The following KLRG1 variants were observed in gnomAD, a reference collection of about 807,000 sequenced individuals.
KLRG1 encodes the protein killer cell lectin-like receptor subfamily G member 1.
A neutral mutation model predicts 21.8 loss-of-function variants in KLRG1; 16 were observed. That is an observed-to-expected ratio of 0.73 (90% CI 0.50 to 1.11). The LOEUF (loss-of-function observed/expected upper bound fraction) is 1.11. Ranked by LOEUF, KLRG1 falls within the 50% of genes most tolerant of loss-of-function variation. The probability of loss-of-function intolerance (pLI) is 0.00; values close to 1 mark genes in which losing one functional copy is unlikely to be tolerated. For missense variants in KLRG1, 173 were observed against 218.3 expected (o/e 0.79, Z 1.31); for synonymous variants, 69 against 75.9 (o/e 0.91, Z 0.47).
At chr12:8,967,909 C>A (rs899744236) in intron 1 of KLRG1, among the ~76,000 whole-genome samples, 1 of 148,876 alleles carries the variant, frequency 6.7e-6, no homozygotes, top group Non-Finnish European at 1.5e-5. Flanking sequence ...AATGGAGAAC[C>A]TAGAGCAATC....
chr12:8,960,762 T>C (rs760401458), intron 1 of KLRG1, among the ~76,000 whole-genome samples: 1 of 152,302 alleles, frequency 6.6e-6, no homozygotes, highest in African/African-American at 2.4e-5. Context: ...TTGTCCAGTA[T>C]AATAAAGGTC....
intron 1 of KLRG1, among the ~76,000 whole-genome samples, chr12:8,991,287 C>T (rs922526918): frequency 4.6e-5 from 6 of 131,458 alleles, no homozygotes; most frequent in South Asian, 2.6e-4. Context: ...ATTTAGATTT[C>T]GGTTGTATGC....
chr12:9,151,708 G>A, the KLRG1 span: 1 of 1,536,382 alleles, frequency 6.5e-7, no homozygotes, highest in Admixed American at 1.7e-5. Flanking sequence ...TAAAGTTAGA[G>A]AACAGATGTG....
intron 3 of KLRG1, among the ~76,000 whole-genome samples, chr12:8,998,871 A>G (rs1805719): frequency 0.29 from 44,616 of 151,956 alleles, 7,499 homozygotes; most frequent in East Asian, 0.4. Flanking sequence ...CAGAATGTAC[A>G]TTGTATGACC....
the KLRG1 span, chr12:9,196,587 G>A: frequency 6.2e-6 from 10 of 1,608,920 alleles, no homozygotes; most frequent in Non-Finnish European, 8.5e-6. Flanking sequence ...CCTCTTCTCT[G>A]ATCCTGGCTT....
chr12:9,068,281 A>G, the KLRG1 span: 1 of 1,566,626 alleles, frequency 6.4e-7, no homozygotes, highest in East Asian at 2.2e-5. Flanking sequence ...TGAGAAAGAA[A>G]GCAAACATCT....
the KLRG1 span, chr12:9,112,180 G>A: frequency 6.2e-7 from 1 of 1,613,694 alleles, no homozygotes; most frequent in African/African-American, 1.3e-5. Context: ...GGGGGTGAAA[G>A]TTTTCATCCA....
the KLRG1 span, chr12:9,079,331 C>A: frequency 6.2e-7 from 1 of 1,613,244 alleles, no homozygotes; most frequent in South Asian, 1.1e-5. Flanking sequence ...TCTCTGGTAA[C>A]CTGGAAAGGA....
the KLRG1 span, among the ~76,000 whole-genome samples, chr12:9,152,066 G>A: frequency 3.3e-5 from 5 of 152,036 alleles, no homozygotes; most frequent in Non-Finnish European, 5.9e-5. Context: ...CTTAGCTTAC[G>A]GCCAACTAAA....
At chr12:9,128,254 G>T in the KLRG1 span, 1 of 166,318 alleles carries the variant, frequency 6.0e-6, no homozygotes, top group South Asian at 1.5e-4. Flanking sequence ...GCCAGTATGC[G>T]GTCATAACTG....
chr12:9,199,727 G>A, the KLRG1 span, among the ~76,000 whole-genome samples: 1 of 152,118 alleles, frequency 6.6e-6, no homozygotes, highest in East Asian at 1.9e-4. Context: ...TAAAATATTA[G>A]AGCAAAAAAA....
At chr12:9,134,203 C>T in the KLRG1 span, among the ~76,000 whole-genome samples, 1 of 152,134 alleles carries the variant, frequency 6.6e-6, no homozygotes, top group African/African-American at 2.4e-5. Flanking sequence ...CTACAGAACC[C>T]ATGGTGTTGT....
At chr12:9,069,446 T>G in the KLRG1 span, among the ~76,000 whole-genome samples, 4 of 152,232 alleles carry the variant, frequency 2.6e-5, no homozygotes, top group Non-Finnish European at 5.9e-5. Context: ...CAAGGGCTAC[T>G]TCCTTATATT....
chr12:9,153,325 GGA>G, the KLRG1 span: 9 of 1,613,368 alleles, frequency 5.6e-6, no homozygotes, highest in African/African-American at 1.3e-5. Flanking sequence ...GACAGGGCAT[GGA>G]GAGCCACCAC....
At chr12:8,954,851 T>C (rs1406938298) in intron 1 of KLRG1, among the ~76,000 whole-genome samples, 2 of 152,226 alleles carry the variant, frequency 1.3e-5, no homozygotes, top group Non-Finnish European at 2.9e-5. Flanking sequence ...AAGAGTTCCA[T>C]ATTTGTTTAA....
the KLRG1 span, among the ~76,000 whole-genome samples, chr12:9,137,307 C>G: frequency 6.6e-6 from 1 of 152,076 alleles, no homozygotes; most frequent in Non-Finnish European, 1.5e-5. Flanking sequence ...CTAGTGTATT[C>G]TTGGTACCCT....
the KLRG1 span, among the ~76,000 whole-genome samples, chr12:9,050,935 G>T: frequency 6.6e-6 from 1 of 152,190 alleles, no homozygotes; most frequent in African/African-American, 2.4e-5. Context: ...GAGGACTTGG[G>T]AGCCATGAAT....
chr12:9,135,471 A>C, the KLRG1 span: 271 of 370,486 alleles, frequency 7.3e-4, 1 homozygote, highest in African/African-American at 5.6e-3. Context: ...CCCCACCAGC[A>C]GGGGGTAGCA....
At position 8,992,275 on chromosome 12, in the gene KLRG1, T is replaced by G; in HGVS notation, c.152T>G (p.Leu51Arg). ...TTGGGGCTTCTGACTGCAGTTCTTC[T>G]GAGTGTGCTGCTATACCAGTGGATC... ...IALGLLTAVL[L>R]SVLLYQWILC... Residue 51 changes from leucine (L) to arginine (R), a missense_variant, in exon 2 of 5, where the codon CTG (leucine) becomes CGG (arginine). Around this residue, in one of 3 missense-constraint regions of KLRG1, gnomAD observed 144 missense variants for 161.5 expected, o/e 0.89. Coordinates refer to ENST00000356986, the MANE Select transcript of KLRG1 (RefSeq NM_005810.4). 4 of 1,613,922 alleles carry G rather than the reference T, an allele frequency of 2.5e-6. No individual in the cohort carries two copies. The highest frequency in any genetic ancestry group is 3.4e-6 in the Non-Finnish European group (4 of 1,179,866).
Sources: gnomAD v4.1 joint callset for allele counts (sites outside exome capture counted in the v4.1 genomes callset) on GRCh38, gnomAD v4.1.1 for gene constraint, gnomAD v4.1.1 regional missense constraint, MANE v1.5 for transcripts, NCBI Gene and HGNC (gene_info 2026-07-23, HGNC 2026-07-21) for gene names.